Variants in LYPD6 observed in about 807,000 individuals in gnomAD.
LYPD6 encodes the protein ly6/PLAUR domain-containing protein 6.
In LYPD6, 15 loss-of-function variants were observed where a neutral mutation model predicts 22.7. The ratio of observed to expected loss-of-function variants is 0.66; its 90% confidence interval spans 0.44 to 1.02. The LOEUF (loss-of-function observed/expected upper bound fraction) is 1.02. Ranked by LOEUF, LYPD6 falls within the 50% of genes least tolerant of loss-of-function variation. The probability of loss-of-function intolerance (pLI) is 0.00; values close to 1 mark genes in which losing one functional copy is unlikely to be tolerated. For missense variants in LYPD6, 189 were observed against 208.4 expected (o/e 0.91, Z 0.57); for synonymous variants, 72 against 77.5 (o/e 0.93, Z 0.37).
the LYPD6 span, among the ~76,000 whole-genome samples, chr2:149,486,200 C>G: frequency 6.6e-6 from 1 of 152,132 alleles, no homozygotes; most frequent in Non-Finnish European, 1.5e-5. Context: ...TGGGTTAAAA[C>G]TTATAGTTTG....
intron 3 of LYPD6, among the ~76,000 whole-genome samples, chr2:149,449,540 A>G (rs1366750640): frequency 1.3e-5 from 2 of 152,224 alleles, no homozygotes; most frequent in African/African-American, 4.8e-5. Flanking sequence ...ATATCTTGCC[A>G]GAGACTTTCA....
intron 3 of LYPD6, among the ~76,000 whole-genome samples, chr2:149,458,865 G>C (rs1206405909): frequency 6.6e-6 from 1 of 152,152 alleles, no homozygotes; most frequent in Non-Finnish European, 1.5e-5. Context: ...TTGGAAAACA[G>C]AGCAATAAAA....
intron 3 of LYPD6, among the ~76,000 whole-genome samples, chr2:149,459,078 A>G (rs1397574022): frequency 1.3e-5 from 2 of 152,250 alleles, no homozygotes; most frequent in Non-Finnish European, 2.9e-5. Flanking sequence ...AGCAAACCCC[A>G]AAGAGGACAA....
intron 1 of LYPD6, among the ~76,000 whole-genome samples, chr2:149,425,068 T>C (rs1226092040): frequency 6.6e-6 from 1 of 152,178 alleles, no homozygotes; most frequent in Non-Finnish European, 1.5e-5. Flanking sequence ...CCTTCCTTTT[T>C]TCTTCCAGAT....
At chr2:149,368,817 G>C (rs1354344235) in intron 1 of LYPD6, among the ~76,000 whole-genome samples, 1 of 152,112 alleles carries the variant, frequency 6.6e-6, no homozygotes, top group Non-Finnish European at 1.5e-5. Context: ...CATCAAGACA[G>C]GGTGATGGCA....
At chr2:149,431,127 G>A (rs1045651783) in intron 1 of LYPD6, among the ~76,000 whole-genome samples, 1 of 152,148 alleles carries the variant, frequency 6.6e-6, no homozygotes, top group African/African-American at 2.4e-5. Flanking sequence ...TGTCAGAGCG[G>A]TATTAGATTT....
At chr2:149,443,231 A>T (rs1024206731) in intron 2 of LYPD6, among the ~76,000 whole-genome samples, 1 of 152,230 alleles carries the variant, frequency 6.6e-6, no homozygotes, top group Admixed American at 6.5e-5. Context: ...TAGGGTCTCA[A>T]TAAGTTTGTT....
At chr2:149,441,859 T>C (rs1436539905) in intron 2 of LYPD6, among the ~76,000 whole-genome samples, 2 of 152,192 alleles carry the variant, frequency 1.3e-5, no homozygotes, top group Non-Finnish European at 2.9e-5. Context: ...GAAAGAAACC[T>C]TTCCTAAGAA....
intron 1 of LYPD6, among the ~76,000 whole-genome samples, chr2:149,407,745 C>T (rs1278760061): frequency 2.0e-5 from 3 of 152,190 alleles, no homozygotes; most frequent in Non-Finnish European, 4.4e-5. Flanking sequence ...TGAAAGTCAT[C>T]CTCCTTCCAG....
At chr2:149,395,995 G>C (rs1682421361) in intron 1 of LYPD6, among the ~76,000 whole-genome samples, 1 of 152,008 alleles carries the variant, frequency 6.6e-6, no homozygotes, top group Non-Finnish European at 1.5e-5. Flanking sequence ...ATATAGTTTT[G>C]GGTTTTACTT....
At chr2:149,480,919 CT>C in the LYPD6 span, among the ~76,000 whole-genome samples, 3 of 152,232 alleles carry the variant, frequency 2.0e-5, no homozygotes, top group African/African-American at 7.2e-5. Flanking sequence ...CATATCCCAT[CT>C]TCAGAGCTCA....
chr2:149,417,205 C>T lies in LYPD6; in HGVS notation c.-71-20433C>T, dbSNP rs79742054. Reference sequence around the variant, plus strand: ...AGGGCAATTTCTTAAAAGGGCTTTACTCTTCTACTGCAGATGACATGGACT... The same window carrying T: ...AGGGCAATTTCTTAAAAGGGCTTTATTCTTCTACTGCAGATGACATGGACT... On this transcript the variant is annotated intron_variant, in intron 1 of 4. Transcript: ENST00000334166. Among the ~76,000 whole-genome samples, 776 of 152,302 alleles carry T rather than the reference C, an allele frequency of 5.1e-3. 3 individuals carry two copies. Among genetic ancestry groups the T allele is most frequent in the African/African-American group, 0.018 (742 of 41,556 alleles).
rs1681364493 is a variant in LYPD6 at position 149,472,470 on chromosome 2, A to G, written c.*1620A>G. ...TGTTGTCAGGGTCCATCTGCCCTCC[A>G]TAGAAAAATGTCTCTGGCTCATAAA... On this transcript the variant is annotated 3_prime_UTR_variant, in exon 5 of 5. Transcript: ENST00000334166. The G allele has an allele frequency of 6.6e-6, 1 of 152,640 alleles. No homozygotes were observed. Among genetic ancestry groups the G allele is most frequent in the South Asian group, 2.1e-4 (1 of 4,832 alleles). 9.5% of individuals were successfully genotyped at this position (152,640 alleles called of 1,614,324 possible).
At chr2:149,367,830 C>T (rs1305658188) in intron 1 of LYPD6, 4 of 152,166 alleles carry the variant, frequency 2.6e-5, no homozygotes, top group Non-Finnish European at 5.9e-5. Flanking sequence ...AAAACATACC[C>T]TTATCTTTTC....
At chr2:149,445,887 G>A (rs1263169260) in intron 2 of LYPD6, among the ~76,000 whole-genome samples, 1 of 152,158 alleles carries the variant, frequency 6.6e-6, no homozygotes, top group Non-Finnish European at 1.5e-5. Flanking sequence ...TTGGCTAACT[G>A]GCACAAGAGG....
At chr2:149,480,945 T>G in the LYPD6 span, among the ~76,000 whole-genome samples, 1 of 152,214 alleles carries the variant, frequency 6.6e-6, no homozygotes, top group Non-Finnish European at 1.5e-5. Flanking sequence ...GGGTTGGCTG[T>G]GGCTTCACTG....
At chr2:149,410,731 T>C (rs974968821) in intron 1 of LYPD6, among the ~76,000 whole-genome samples, 4 of 152,196 alleles carry the variant, frequency 2.6e-5, no homozygotes, top group African/African-American at 9.6e-5. Flanking sequence ...ACAAGGCTAT[T>C]GTTCATGCGA....
At position 149,429,854 on chromosome 2, in the gene LYPD6, C is replaced by T. The variant is rs1243620801; in HGVS notation, c.-71-7784C>T. Among the ~76,000 whole-genome samples the T allele has an allele frequency of 2.6e-5, 4 of 152,132 alleles. No individual in the cohort carries two copies. In the East Asian group the frequency reaches 7.7e-4, roughly 29 times the overall value. On this transcript the variant is annotated intron_variant, in intron 1 of 4. Transcript: ENST00000334166. ...AGTAGCTCCTTGTGGACTACTTGGG[C>T]TTCCTTATAGCATGGCAGTCTCAAG... is the stretch of plus-strand genomic sequence containing the variant.
intron 1 of LYPD6, among the ~76,000 whole-genome samples, chr2:149,369,248 T>A (rs1400743070): frequency 2.0e-5 from 3 of 152,052 alleles, no homozygotes; most frequent in Non-Finnish European, 4.4e-5. Flanking sequence ...CTTTTTAGAA[T>A]TTAGGTTATC....
Sources: gnomAD v4.1 joint callset for allele counts (sites outside exome capture counted in the v4.1 genomes callset) on GRCh38, gnomAD v4.1.1 for gene constraint, MANE v1.5 for transcripts, NCBI Gene and HGNC (gene_info 2026-07-23, HGNC 2026-07-21) for gene names.